HS6ST3: variants seen among roughly 807,000 people sequenced by gnomAD.
HS6ST3 encodes heparan-sulfate 6-O-sulfotransferase 3.
Under a neutral mutation model 36.7 loss-of-function variants are expected in HS6ST3, and 12 were observed. The ratio of observed to expected loss-of-function variants is 0.33; its 90% confidence interval spans 0.21 to 0.53. The LOEUF (loss-of-function observed/expected upper bound fraction) is 0.53. Among genes scored for constraint, HS6ST3 ranks in the 20% least tolerant of loss-of-function variants. HS6ST3 has a pLI of 0.95. For missense variants in HS6ST3, 584 were observed against 640.9 expected (o/e 0.91, Z 0.96); for synonymous variants, 240 against 257.5 (o/e 0.93, Z 0.65).
At chr13:96,588,659 A>G (rs2056370938) in intron 1 of HS6ST3, among the ~76,000 whole-genome samples, 1 of 152,160 alleles carries the variant, frequency 6.6e-6, no homozygotes, top group South Asian at 2.1e-4. Flanking sequence ...TAATTCTTGC[A>G]TCTATATTCA....
intron 1 of HS6ST3, among the ~76,000 whole-genome samples, chr13:96,514,222 G>A (rs914417808): frequency 3.3e-5 from 5 of 152,168 alleles, no homozygotes; most frequent in African/African-American, 4.8e-5. Flanking sequence ...TGATACCAGC[G>A]TGCAGTAGGT....
intron 1 of HS6ST3, among the ~76,000 whole-genome samples, chr13:96,743,602 G>A (rs1295274849): frequency 6.6e-6 from 1 of 152,058 alleles, no homozygotes; most frequent in East Asian, 1.9e-4. Flanking sequence ...GGAAATGGGG[G>A]CATGTTTCTT....
At position 96,415,386 on chromosome 13, in the gene HS6ST3, G is replaced by T. The variant is rs900557294; in HGVS notation, c.707+323817G>T. On this transcript the variant is annotated intron_variant, in intron 1 of 1. Transcript: ENST00000376705. ...CAACTCTAAAGCCTCTCACAGCCCA[G>T]TGATGCACTTCCATTATCTTCTTGC... is the stretch of plus-strand genomic sequence containing the variant. Among the ~76,000 whole-genome samples the T allele has an allele frequency of 7.9e-5, 12 of 152,312 alleles. No homozygotes were observed. In the South Asian group the frequency reaches 2.5e-3, roughly 32 times the overall value.
intron 1 of HS6ST3, among the ~76,000 whole-genome samples, chr13:96,243,331 G>C (rs1300264504): frequency 1.3e-5 from 2 of 152,148 alleles, no homozygotes; most frequent in African/African-American, 4.8e-5. Context: ...TTTCTTAGCA[G>C]ACCTTAAGCT....
In HS6ST3 at chr13:96,837,855, A is replaced by C. The variant is rs1364351230; in HGVS notation, c.*4657A>C. 6.6e-6 allele frequency: 1 copy of C among 152,024 alleles called. No individual in the cohort carries two copies. Among genetic ancestry groups the C allele is most frequent in the African/African-American group, 2.4e-5 (1 of 41,332 alleles). The allele number at this position is 152,024 out of a possible 1,614,324, so 9.4% of individuals were successfully genotyped here. The stretch of plus-strand genomic sequence containing the variant: ...CGCCCCCACCAACCAAAAAAAAAAA[A>C]AGAAAGAAAACTCTCCCTTTTTAAT... On this transcript the variant is annotated 3_prime_UTR_variant, in exon 2 of 2. Coordinates refer to ENST00000376705, the MANE Select transcript of HS6ST3 (RefSeq NM_153456.4).
chr13:96,799,866 A>G (rs1169080496), intron 1 of HS6ST3, among the ~76,000 whole-genome samples: 7 of 149,438 alleles, frequency 4.7e-5, no homozygotes, highest in Non-Finnish European at 7.4e-5. Context: ...TCTTCATCCC[A>G]GTCTCCTAGT....
intron 1 of HS6ST3, among the ~76,000 whole-genome samples, chr13:96,435,962 G>A (rs960040647): frequency 7.9e-5 from 12 of 152,110 alleles, no homozygotes; most frequent in African/African-American, 2.9e-4. Flanking sequence ...TCACGTAGTC[G>A]TCTCAGGCTT....
rs1878952296 is a variant in HS6ST3 at position 96,837,359 on chromosome 13, G to A, written c.*4161G>A. 1 of 152,050 alleles carries A rather than the reference G, an allele frequency of 6.6e-6. No individual in the cohort carries two copies. The allele number at this position is 152,050 out of a possible 1,614,324, so 9.4% of individuals were successfully genotyped here. On this transcript the variant is annotated 3_prime_UTR_variant, in exon 2 of 2. Coordinates refer to ENST00000376705, the MANE Select transcript of HS6ST3 (RefSeq NM_153456.4). ...CATTACATTCTTGTGTGCTAAATAG[G>A]ACCTCTATTCATTACACCACTTGCT...
At chr13:96,495,476 A>G (rs577881701) in intron 1 of HS6ST3, among the ~76,000 whole-genome samples, 1 of 152,322 alleles carries the variant, frequency 6.6e-6, no homozygotes, top group African/African-American at 2.4e-5. Context: ...GTGGTTTTCC[A>G]TGTTAAGTGG....
At chr13:96,406,992 G>T (rs1184087578) in intron 1 of HS6ST3, among the ~76,000 whole-genome samples, 1 of 151,956 alleles carries the variant, frequency 6.6e-6, no homozygotes, top group Non-Finnish European at 1.5e-5. Context: ...GCATCCTGAT[G>T]GTCATTCTAT....
chr13:96,298,473 G>T (rs1379757236), intron 1 of HS6ST3, among the ~76,000 whole-genome samples: 1 of 152,102 alleles, frequency 6.6e-6, no homozygotes, highest in African/African-American at 2.4e-5. Context: ...TTCTCTTTAG[G>T]CTCGTTGGCA....
intron 1 of HS6ST3, among the ~76,000 whole-genome samples, chr13:96,207,368 T>C (rs542757429): frequency 6.6e-6 from 1 of 152,192 alleles, no homozygotes; most frequent in African/African-American, 2.4e-5. Context: ...CATTTTCCTT[T>C]TTCTTGTTGG....
rs567992343 is a variant in HS6ST3 at position 96,142,002 on chromosome 13, C to T, written c.707+50433C>T. Among the ~76,000 whole-genome samples, 131 of 106,538 alleles carry T rather than the reference C, an allele frequency of 1.2e-3. 2 individuals carry two copies. Among genetic ancestry groups the T allele is most frequent in the Middle Eastern group, 0.01 (1 of 96 alleles). 69.9% of individuals were successfully genotyped at this position (106,538 alleles called of 152,430 possible). A position where few individuals can be genotyped will look rare whatever the true frequency, so the allele number is the denominator to read the frequency against. On this transcript the variant is annotated intron_variant, in intron 1 of 1. Transcript: ENST00000376705. ...TTGCCAGATTTATGACAGAGCCAATCAAGAAATCATGAAAGTGATTGTGGT... is the reference window on the plus strand; with the variant it reads ...TTGCCAGATTTATGACAGAGCCAATTAAGAAATCATGAAAGTGATTGTGGT...
At chr13:96,108,117 G>A (rs907258525) in intron 1 of HS6ST3, among the ~76,000 whole-genome samples, 3 of 152,172 alleles carry the variant, frequency 2.0e-5, no homozygotes, top group Admixed American at 6.5e-5. Flanking sequence ...GAGAAATATC[G>A]CTGAATTATT....
At chr13:96,547,466 T>G (rs1392331667) in intron 1 of HS6ST3, among the ~76,000 whole-genome samples, 1 of 152,222 alleles carries the variant, frequency 6.6e-6, no homozygotes, top group Admixed American at 6.5e-5. Context: ...ACAGGTACTA[T>G]GTTAATTTGA....
chr13:96,258,954 C>T (rs1210163410), intron 1 of HS6ST3, among the ~76,000 whole-genome samples: 1 of 152,052 alleles, frequency 6.6e-6, no homozygotes, highest in Non-Finnish European at 1.5e-5. Context: ...GGAAGTGTCT[C>T]ACTCTAACTG....
intron 1 of HS6ST3, among the ~76,000 whole-genome samples, chr13:96,555,958 T>A (rs1167712938): frequency 1.3e-5 from 2 of 152,072 alleles, no homozygotes; most frequent in East Asian, 3.9e-4. Flanking sequence ...AACAGGAAAA[T>A]TGCTTGGAAC....
intron 1 of HS6ST3, among the ~76,000 whole-genome samples, chr13:96,708,636 C>A (rs574434732): frequency 1.3e-5 from 2 of 152,258 alleles, no homozygotes; most frequent in Non-Finnish European, 2.9e-5. Context: ...CAGCCTGAAA[C>A]CTAATTCACT....
At chr13:96,240,066 G>A (rs1400411097) in intron 1 of HS6ST3, among the ~76,000 whole-genome samples, 1 of 151,962 alleles carries the variant, frequency 6.6e-6, no homozygotes, top group Non-Finnish European at 1.5e-5. Flanking sequence ...GCAAATTTGG[G>A]GTCAGGGAGT....
Sources: allele counts gnomAD v4.1 joint callset (sites outside exome capture counted in the v4.1 genomes callset), GRCh38; gene constraint gnomAD v4.1.1; transcripts MANE v1.5; gene names NCBI Gene and HGNC (gene_info 2026-07-23, HGNC 2026-07-21).